Variants in GPM6B observed in about 807,000 individuals in gnomAD.
The protein encoded by GPM6B is neuronal membrane glycoprotein M6-b.
Under a neutral mutation model 27.2 loss-of-function variants are expected in GPM6B, and 4 were observed. The ratio of observed to expected loss-of-function variants is 0.15; its 90% CI spans 0.07 to 0.34. The LOEUF (loss-of-function observed/expected upper bound fraction) is 0.34, where lower values mean the gene tolerates loss of function less well. Ranked by LOEUF, GPM6B falls within the 10% of genes least tolerant of loss-of-function variation. The probability of loss-of-function intolerance (pLI) is 1.00; values close to 1 mark genes in which losing one functional copy is unlikely to be tolerated. For synonymous variants in GPM6B, 124 were observed against 103.1 expected (o/e 1.20, Z -1.23); for missense variants, 183 against 261.9 (o/e 0.70, Z 2.08).
At chrX:13,861,908 G>T (rs952183285) in intron 1 of GPM6B, among the ~76,000 whole-genome samples, 1 of 111,746 alleles carries the variant, frequency 8.9e-6, no homozygotes, top group East Asian at 2.8e-4. Context: ...AGGGAAGAGG[G>T]TTTACAACTT....
intron 2 of GPM6B, among the ~76,000 whole-genome samples, chrX:13,786,086 A>C (rs1251471774): frequency 8.9e-6 from 1 of 112,709 alleles, no homozygotes; most frequent in East Asian, 2.8e-4. Flanking sequence ...ACAAAGAGTT[A>C]TAAGGTAGTT....
intron 1 of GPM6B, among the ~76,000 whole-genome samples, chrX:13,930,470 C>T (rs188215227): frequency 0.018 from 2,004 of 111,219 alleles, 46 homozygotes; most frequent in African/African-American, 0.063. Flanking sequence ...AAAAATTAGC[C>T]AGGCGTGGTT....
chrX:13,828,972 G>C (rs1273123496), intron 1 of GPM6B, among the ~76,000 whole-genome samples: 1 of 111,696 alleles, frequency 9.0e-6, no homozygotes, highest in Non-Finnish European at 1.9e-5. Flanking sequence ...CTGGATGCCA[G>C]AGTAGGGAAA....
rs766497602 is a variant in GPM6B, at chrX:13,873,439, G to A, written c.-198+64888C>T. Among the ~76,000 whole-genome samples the A allele has an allele frequency of 3.6e-5, 4 of 111,718 alleles. No homozygotes were observed. The East Asian group carries it at 8.4e-4, about 23-fold the overall frequency. ...TGTCTCTGTTTCCCGATTCTTAAAC[G>A]AGGGATTATGGGGTTCCTTTGAGGG... On this transcript the variant is annotated intron_variant, in intron 1 of 6. Coordinates refer to the GPM6B transcript ENST00000398361.
Position 13,877,824 on chromosome X carries a change from C to CAAAAAAAAAAAAAAAA in GPM6B, c.-198+60487_-198+60502dup, listed in dbSNP as rs761891419. On this transcript the variant is annotated intron_variant, in intron 1 of 6. Coordinates refer to the GPM6B transcript ENST00000398361. ...CCTGGGCATTAGAGCCAGACTCTGC[C>CAAAAAAAAAAAAAAAA]AAAAAAAAAAAAAAAAAAAAAAAAA... is the stretch of plus-strand genomic sequence containing the variant. Among the ~76,000 whole-genome samples, 95 of 27,464 alleles carry CAAAAAAAAAAAAAAAA rather than the reference C, an allele frequency of 3.5e-3. 14 individuals carry two copies. The highest frequency in any genetic ancestry group is 0.013 in the Admixed American group (16 of 1,238). 23.8% of individuals were successfully genotyped at this position (27,464 alleles called of 115,157 possible). A position where few individuals can be genotyped will look rare whatever the true frequency, so the allele number is the denominator to read the frequency against.
chrX:13,888,942 C>T (rs1289424525), intron 1 of GPM6B: 1 of 111,845 alleles, frequency 8.9e-6, no homozygotes, highest in Non-Finnish European at 1.9e-5. Flanking sequence ...TAGAAAGGAA[C>T]CTGTAGGTTT....
intron 1 of GPM6B, among the ~76,000 whole-genome samples, chrX:13,866,743 C>T (rs1399593240): frequency 9.0e-6 from 1 of 111,473 alleles, no homozygotes; most frequent in Admixed American, 9.5e-5. Context: ...ACTGAGGTCC[C>T]AAATTGATTA....
chrX:13,863,174 A>T (rs2049872236), intron 1 of GPM6B, among the ~76,000 whole-genome samples: 1 of 111,960 alleles, frequency 8.9e-6, no homozygotes, highest in Non-Finnish European at 1.9e-5. Flanking sequence ...GAACATTTTT[A>T]CATATTCCAT....
At chrX:13,820,682 T>C (rs1002453530), upstream of GPM6B, among the ~76,000 whole-genome samples, 1 of 111,362 alleles carries the variant, frequency 9.0e-6, no homozygotes, top group Non-Finnish European at 1.9e-5. Flanking sequence ...TCATCATAGC[T>C]TTAACCACGA....
intron 7 of GPM6B, 83 bp from the exon 8 acceptor site, chrX:13,773,113 C>T (rs1007328195): frequency 1.6e-5 from 14 of 873,100 alleles, no homozygotes; most frequent in Admixed American, 5.0e-5. Flanking sequence ...ACAGACTTGA[C>T]TTTAAAGGGG....
chrX:13,821,793 C>G (rs2049310758), upstream of GPM6B, among the ~76,000 whole-genome samples: 1 of 110,680 alleles, frequency 9.0e-6, no homozygotes, highest in Admixed American at 9.6e-5. Context: ...CGGCGTTTCT[C>G]CACGTTGGTC....
intron 2 of GPM6B, among the ~76,000 whole-genome samples, chrX:13,789,504 C>A (rs1336820398): frequency 2.7e-5 from 3 of 111,484 alleles, no homozygotes; most frequent in African/African-American, 9.8e-5. Context: ...GACCAGGCGC[C>A]GTGGCTCACG....
At chrX:13,847,720 C>A (rs2049666177) in intron 1 of GPM6B, among the ~76,000 whole-genome samples, 1 of 111,944 alleles carries the variant, frequency 8.9e-6, no homozygotes, top group Non-Finnish European at 1.9e-5. Context: ...TAGCCTAGTC[C>A]TTTTTCAAGC....
chrX:13,804,074 A>G (rs913111092), intron 2 of GPM6B, among the ~76,000 whole-genome samples: 8 of 111,633 alleles, frequency 7.2e-5, no homozygotes, highest in African/African-American at 2.6e-4. Flanking sequence ...ACTGCTTCTC[A>G]AGCTTTAATG....
At chrX:13,794,067 G>T (rs1391221311) in intron 2 of GPM6B, among the ~76,000 whole-genome samples, 2 of 112,011 alleles carry the variant, frequency 1.8e-5, no homozygotes, top group Non-Finnish European at 3.8e-5. Context: ...TATGGTCTAT[G>T]GCTACTTTCA....
chrX:13,899,884 C>T (rs1317724828), intron 1 of GPM6B, among the ~76,000 whole-genome samples: 1 of 112,361 alleles, frequency 8.9e-6, no homozygotes, highest in African/African-American at 3.2e-5. Context: ...GAAATGTTAG[C>T]TCTTTTCCCA....
At chrX:13,782,998 TG>T (rs1248712586) in intron 4 of GPM6B, among the ~76,000 whole-genome samples, 1 of 111,717 alleles carries the variant, frequency 9.0e-6, no homozygotes, top group African/African-American at 3.3e-5. Context: ...CGATTTTCCA[TG>T]GTTCATGTAT....
intron 1 of GPM6B, among the ~76,000 whole-genome samples, chrX:13,826,749 T>TC (rs1012119916): frequency 1.9e-5 from 2 of 105,185 alleles, no homozygotes; most frequent in African/African-American, 3.5e-5. Context: ...TGTTTTTTTG[T>TC]TTTTTTTTTA....
intron 1 of GPM6B, among the ~76,000 whole-genome samples, chrX:13,850,025 C>T (rs1173610498): frequency 9.0e-6 from 1 of 111,693 alleles, no homozygotes; most frequent in Non-Finnish European, 1.9e-5. Flanking sequence ...CATCACTGCG[C>T]TCCAGCCTGG....
Sources: allele counts gnomAD v4.1 joint callset (sites outside exome capture counted in the v4.1 genomes callset), GRCh38; gene constraint gnomAD v4.1.1; transcripts MANE v1.5; gene names NCBI Gene and HGNC (gene_info 2026-07-23, HGNC 2026-07-21).